Variants in CDH18 observed in about 807,000 individuals in gnomAD.
CDH18 encodes the protein cadherin 18.
In CDH18, 31 loss-of-function variants were observed where a neutral mutation model predicts 67.9. The ratio of observed to expected loss-of-function variants is 0.46; its 90% CI spans 0.34 to 0.62. The LOEUF (loss-of-function observed/expected upper bound fraction) is 0.62, where lower values mean the gene tolerates loss of function less well. Ranked by LOEUF, CDH18 falls within the 20% of genes least tolerant of loss-of-function variation. CDH18 has a pLI of 0.01. For synonymous variants in CDH18, 362 were observed against 347.2 expected (o/e 1.04, Z -0.48); for missense variants, 890 against 975.5 (o/e 0.91, Z 1.17).
intron 1 of CDH18, among the ~76,000 whole-genome samples, chr5:20,564,260 T>TTTTATTTA (rs3039398): frequency 0.28 from 39,607 of 141,322 alleles, 5,993 homozygotes; most frequent in East Asian, 0.51. Flanking sequence ...ATTATCACAG[T>TTTTATTTA]TTTATTTATT....
At chr5:20,504,849 G>T (rs1395155682) in intron 1 of CDH18, among the ~76,000 whole-genome samples, 3 of 145,328 alleles carry the variant, frequency 2.1e-5, no homozygotes, top group Non-Finnish European at 4.5e-5. Flanking sequence ...CTCACTGCAG[G>T]CTCTGCCTCC....
At chr5:20,397,980 T>C (rs1745420257) in intron 1 of CDH18, among the ~76,000 whole-genome samples, 1 of 152,180 alleles carries the variant, frequency 6.6e-6, no homozygotes, top group African/African-American at 2.4e-5. Flanking sequence ...TTAATTTAAA[T>C]TGAATAAAGT....
chr5:20,357,207 G>A (rs1327196358), intron 1 of CDH18, among the ~76,000 whole-genome samples: 1 of 152,030 alleles, frequency 6.6e-6, no homozygotes, highest in Non-Finnish European at 1.5e-5. Context: ...GATCTTTAAT[G>A]TGATTCCAAA....
intron 2 of CDH18, among the ~76,000 whole-genome samples, chr5:19,852,819 T>C (rs1332925802): frequency 3.3e-5 from 5 of 152,054 alleles, no homozygotes; most frequent in Admixed American, 2.6e-4. Context: ...AGGAATCCAT[T>C]TGGCCAAACA....
intron 2 of CDH18, among the ~76,000 whole-genome samples, chr5:20,252,328 C>A (rs541431646): frequency 6.6e-6 from 1 of 150,738 alleles, no homozygotes; most frequent in Admixed American, 6.6e-5. Flanking sequence ...TCCAGCCTGG[C>A]GACAGAGCAA....
chr5:20,476,752 TGAGA>T (rs1752471142), intron 1 of CDH18, among the ~76,000 whole-genome samples: 1 of 152,198 alleles, frequency 6.6e-6, no homozygotes, highest in Non-Finnish European at 1.5e-5. Flanking sequence ...TATTTTTGCT[TGAGA>T]GTTTTTCTTT....
chr5:20,146,536 G>C (rs1264040945), intron 2 of CDH18, among the ~76,000 whole-genome samples: 3 of 151,256 alleles, frequency 2.0e-5, no homozygotes, highest in African/African-American at 7.3e-5. Context: ...GAAAGAAAAA[G>C]TTTTCTTCAA....
chr5:19,948,650 G>A (rs1277096790), intron 2 of CDH18, among the ~76,000 whole-genome samples: 2 of 152,058 alleles, frequency 1.3e-5, no homozygotes, highest in East Asian at 1.9e-4. Context: ...ATACATGCAC[G>A]CTCACACACA....
chr5:20,508,386 T>C (rs1754797622), intron 1 of CDH18, among the ~76,000 whole-genome samples: 2 of 143,988 alleles, frequency 1.4e-5, no homozygotes, highest in Non-Finnish European at 3.0e-5. Flanking sequence ...TTTGGAAAAC[T>C]TTTGCTGATA....
At chr5:19,555,663 A>G (rs1738271901) in intron 8 of CDH18, among the ~76,000 whole-genome samples, 1 of 152,150 alleles carries the variant, frequency 6.6e-6, no homozygotes, top group East Asian at 1.9e-4. Flanking sequence ...CAGTGCCCCC[A>G]TCTGATGGTC....
chr5:19,527,333 A>G (rs1747896156), intron 9 of CDH18, among the ~76,000 whole-genome samples: 1 of 151,668 alleles, frequency 6.6e-6, no homozygotes, highest in Non-Finnish European at 1.5e-5. Context: ...ATTATAAACT[A>G]CTTTATAATA....
chr5:19,548,137 T>C (rs1736662444), intron 8 of CDH18, among the ~76,000 whole-genome samples: 1 of 152,038 alleles, frequency 6.6e-6, no homozygotes, highest in South Asian at 2.1e-4. Context: ...AGTAAAAAAA[T>C]CAATACTTTA....
At chr5:20,030,004 T>C (rs966076286) in intron 2 of CDH18, among the ~76,000 whole-genome samples, 3 of 152,226 alleles carry the variant, frequency 2.0e-5, no homozygotes, top group Non-Finnish European at 4.4e-5. Flanking sequence ...TTTTCCATGA[T>C]GGCTGTTGGC....
intron 1 of CDH18, among the ~76,000 whole-genome samples, chr5:20,329,844 A>C (rs1402110291): frequency 6.6e-6 from 1 of 151,788 alleles, no homozygotes; most frequent in Non-Finnish European, 1.5e-5. Context: ...TTATCAGAGA[A>C]GTAATTCATG....
intron 8 of CDH18, among the ~76,000 whole-genome samples, chr5:19,561,943 T>C (rs1218874933): frequency 6.6e-6 from 1 of 152,128 alleles, no homozygotes; most frequent in Non-Finnish European, 1.5e-5. Context: ...TATAATGTGA[T>C]ACAATTTCAA....
intron 7 of CDH18, among the ~76,000 whole-genome samples, chr5:19,575,986 T>C (rs1742247394): frequency 6.6e-6 from 1 of 152,114 alleles, no homozygotes; most frequent in Non-Finnish European, 1.5e-5. Context: ...GAAGATTTCT[T>C]CCAGGGGAAA....
chr5:20,574,723 C>T (rs561882915), intron 1 of CDH18, among the ~76,000 whole-genome samples: 3 of 152,152 alleles, frequency 2.0e-5, no homozygotes, highest in East Asian at 1.9e-4. Context: ...TTAATATGCG[C>T]GAAGTTCCCA....
At chr5:20,394,959 T>C (rs1480836518) in intron 1 of CDH18, among the ~76,000 whole-genome samples, 1 of 152,118 alleles carries the variant, frequency 6.6e-6, no homozygotes, top group Non-Finnish European at 1.5e-5. Context: ...GGCATGGATG[T>C]GGTGAAAAGG....
intron 4 of CDH18, among the ~76,000 whole-genome samples, chr5:19,733,457 C>G (rs1767884888): frequency 6.6e-6 from 1 of 152,138 alleles, no homozygotes; most frequent in African/African-American, 2.4e-5. Flanking sequence ...GACAACCCAA[C>G]TCTCCCATCT....
Sources: allele counts gnomAD v4.1 joint callset (sites outside exome capture counted in the v4.1 genomes callset), GRCh38; gene constraint gnomAD v4.1.1; transcripts MANE v1.5; gene names NCBI Gene and HGNC (gene_info 2026-07-23, HGNC 2026-07-21).